COG7: variants seen among roughly 807,000 people sequenced by gnomAD.
COG7 encodes component of oligomeric golgi complex 7, also known as conserved oligomeric Golgi complex subunit 7.
COG7 carries 49 observed loss-of-function variants against 91.5 expected under a neutral mutation model. The ratio of observed to expected loss-of-function variants is 0.54; its 90% CI spans 0.43 to 0.68. The LOEUF (loss-of-function observed/expected upper bound fraction) is 0.68. Among genes scored for constraint, COG7 ranks in the 30% least tolerant of loss-of-function variants. The pLI, the probability that COG7 is intolerant of heterozygous loss-of-function variation, is 0.00. For missense variants in COG7, 895 were observed against 961.3 expected (o/e 0.93, Z 0.91); for synonymous variants, 365 against 388.7 (o/e 0.94, Z 0.72).
At chr16:23,426,015 AC>A (rs1213331271) in intron 6 of COG7, among the ~76,000 whole-genome samples, 1 of 151,996 alleles carries the variant, frequency 6.6e-6, no homozygotes, top group African/African-American at 2.4e-5. Flanking sequence ...TGAGTTCGAG[AC>A]CAGCCTGACC....
chr16:23,433,602 G>A lies in COG7; in HGVS notation c.753C>T (p.Thr251=), dbSNP rs775575688. The A allele has an allele frequency of 1.8e-5, 29 of 1,613,910 alleles. No homozygotes were observed. Among genetic ancestry groups the A allele is most frequent in the East Asian group, 1.1e-4 (5 of 44,884 alleles). The change falls in exon 6 of 17, where the codon ACC becomes ACT. Residue 251 remains threonine, a synonymous_variant. Transcript: ENST00000307149. Reference sequence around the variant, plus strand: ...CACCAAGCAAGGCATCATAGAGTCCGGTAAGCTGCCGGTCCAGGGATAGGT... The same window carrying A: ...CACCAAGCAAGGCATCATAGAGTCCAGTAAGCTGCCGGTCCAGGGATAGGT... ...QSDLSLDRQL[T]GLYDALLGAW...
intron 4 of COG7, among the ~76,000 whole-genome samples, chr16:23,435,349 AG>A (rs1470634701): frequency 1.3e-5 from 2 of 152,356 alleles, no homozygotes; most frequent in South Asian, 4.1e-4. Context: ...CCTGGCCAAC[AG>A]AGCAAGACTC....
chr16:23,435,785 C>CA (rs1264681931), intron 4 of COG7, among the ~76,000 whole-genome samples: 1 of 152,264 alleles, frequency 6.6e-6, no homozygotes, highest in Non-Finnish European at 1.5e-5. Flanking sequence ...GTTGTAACAG[C>CA]AACCGCTGTG....
At chr16:23,421,573 A>T (rs1041750430) in intron 7 of COG7, among the ~76,000 whole-genome samples, 1 of 152,030 alleles carries the variant, frequency 6.6e-6, no homozygotes, top group African/African-American at 2.4e-5. Context: ...TGTAACTTTC[A>T]AACTTGCTAA....
intron 14 of COG7, among the ~76,000 whole-genome samples, chr16:23,395,283 T>C (rs1408132730): frequency 1.3e-5 from 2 of 152,182 alleles, no homozygotes; most frequent in African/African-American, 4.8e-5. Context: ...TCCCCAAGGC[T>C]GGGGGAAGAG....
intron 14 of COG7, among the ~76,000 whole-genome samples, chr16:23,395,477 T>C (rs775618664): frequency 6.6e-6 from 1 of 152,238 alleles, no homozygotes; most frequent in Admixed American, 6.5e-5. Context: ...ATATATATTG[T>C]TTTTAAATTT....
intron 11 of COG7, among the ~76,000 whole-genome samples, chr16:23,409,064 C>CGTGTGTGTGT (rs139188327): frequency 1.3e-4 from 19 of 141,402 alleles, no homozygotes; most frequent in African/African-American, 3.7e-4. Context: ...AGTGTGCATG[C>CGTGTGTGTGT]GTGTGTGTGT....
intron 13 of COG7, among the ~76,000 whole-genome samples, chr16:23,403,225 C>T (rs1963405993): frequency 6.6e-6 from 1 of 152,092 alleles, no homozygotes; most frequent in African/African-American, 2.4e-5. Context: ...GAAAAGGTAT[C>T]AAGGAAAGAA....
intron 6 of COG7, among the ~76,000 whole-genome samples, chr16:23,426,178 T>C (rs2142082322): frequency 6.6e-6 from 1 of 152,332 alleles, no homozygotes; most frequent in South Asian, 2.1e-4. Context: ...ATGTTGCCAC[T>C]GCACTCCAGC....
chr16:23,425,027 A>C, intron 6 of COG7, 80 bp from the exon 7 acceptor site: 1 of 1,248,772 alleles, frequency 8.0e-7, no homozygotes, highest in Non-Finnish European at 1.1e-6. Context: ...CTTTTTTGAG[A>C]TGCCAGGCAC....
At position 23,445,966 on chromosome 16, in the gene COG7, A is replaced by G. The variant is rs1964174918; in HGVS notation, c.170-5T>C. On this transcript the variant is annotated splice_region_variant and splice_polypyrimidine_tract_variant and intron_variant, in intron 1 of 16. Transcript: ENST00000307149. ...GGAGAGCTTGGTGACTTGTTTCTGTAGTTAAAAAAAAAAAAAAAAACAACA... is the reference window on the plus strand; with the variant it reads ...GGAGAGCTTGGTGACTTGTTTCTGTGGTTAAAAAAAAAAAAAAAAACAACA... 6.7e-7 allele frequency: 1 copy of G among 1,497,584 alleles called. No individual in the cohort carries two copies. The highest frequency in any genetic ancestry group is 1.5e-5 in the African/African-American group (1 of 68,904). The allele number at this position is 1,497,584 out of a possible 1,614,324, so 92.8% of individuals were successfully genotyped here.
chr16:23,408,852 C>T (rs998436869), intron 11 of COG7, among the ~76,000 whole-genome samples: 11 of 151,720 alleles, frequency 7.3e-5, no homozygotes, highest in South Asian at 2.1e-4. Context: ...GTTAGGAGCA[C>T]GAATGGGGAC....
chr16:23,425,324 T>A (rs560932758), intron 6 of COG7, among the ~76,000 whole-genome samples: 44 of 152,084 alleles, frequency 2.9e-4, no homozygotes, highest in African/African-American at 6.7e-4. Flanking sequence ...AAATAAAAAT[T>A]AAAATTAAAA....
intron 1 of COG7, 99 bp downstream of exon 1, chr16:23,452,708 CGAGGGTATTTGCTGTCCAT>C (rs1964283704): frequency 6.8e-7 from 1 of 1,475,224 alleles, no homozygotes. Flanking sequence ...GCTCTTTTGC[CGAGGGTATTTGCTGTCCAT>C]GCGTGCCCCG....
intron 12 of COG7, among the ~76,000 whole-genome samples, chr16:23,404,694 C>A (rs1316592844): frequency 6.6e-6 from 1 of 152,160 alleles, no homozygotes; most frequent in Non-Finnish European, 1.5e-5. Context: ...CTGAGACAGG[C>A]AGATCACCTG....
intron 12 of COG7, among the ~76,000 whole-genome samples, chr16:23,404,770 A>C (rs772713676): frequency 6.6e-6 from 1 of 152,238 alleles, no homozygotes; most frequent in Non-Finnish European, 1.5e-5. Flanking sequence ...AAATACAAAA[A>C]TTAGCCAGGT....
intron 1 of COG7, among the ~76,000 whole-genome samples, chr16:23,447,995 A>G (rs996112313): frequency 1.3e-5 from 2 of 152,156 alleles, no homozygotes; most frequent in African/African-American, 4.8e-5. Flanking sequence ...CTTGTTCAAC[A>G]GTGTATTTTT....
chr16:23,425,033 G>A, intron 6 of COG7, 86 bp from the exon 7 acceptor site: 1 of 1,160,690 alleles, frequency 8.6e-7, no homozygotes, highest in Non-Finnish European at 1.3e-6. Flanking sequence ...TGAGATGCCA[G>A]GCACGGTGGC....
Position 23,442,299 on chromosome 16 carries a change from A to T in COG7, c.604+178T>A, listed in dbSNP as rs139770556. The stretch of plus-strand genomic sequence containing the variant: ...CAGTAAGCCAAGATTGCGCCACTAC[A>T]CTCCAGCCTCGGTGACAGAGAAAGA... On this transcript the variant is annotated intron_variant, in intron 4 of 16. Coordinates refer to ENST00000307149, the MANE Select transcript of COG7 (RefSeq NM_153603.4). Among the ~76,000 whole-genome samples the T allele has an allele frequency of 9.0e-3, 1,330 of 147,908 alleles. 21 individuals are homozygous for T. Among genetic ancestry groups the T allele is most frequent in the African/African-American group, 0.031 (1,256 of 39,964 alleles).
Sources: gnomAD v4.1 joint callset for allele counts (sites outside exome capture counted in the v4.1 genomes callset) on GRCh38, gnomAD v4.1.1 for gene constraint, MANE v1.5 for transcripts, NCBI Gene and HGNC (gene_info 2026-07-23, HGNC 2026-07-21) for gene names.